Variants in LINGO2 observed in about 807,000 individuals in gnomAD.
LINGO2 encodes the protein leucine rich repeat and Ig domain containing 2, also known as leucine-rich repeat and immunoglobulin-like domain-containing nogo receptor-interacting protein 2.
In LINGO2, 14 loss-of-function variants were observed where a neutral mutation model predicts 30.6. That is an observed-to-expected ratio of 0.46 (90% CI 0.30 to 0.72). The LOEUF (loss-of-function observed/expected upper bound fraction) is 0.72, where lower values mean the gene tolerates loss of function less well. Among genes scored for constraint, LINGO2 ranks in the 30% least tolerant of loss-of-function variants. The pLI is 0.07. For missense variants in LINGO2, 729 were observed against 751.7 expected, an observed-to-expected ratio of 0.97 and a Z score of 0.35; for synonymous variants, 317 against 288.5, an observed-to-expected ratio of 1.10 and a Z score of -1.00.
rs1436026906 is a variant in LINGO2, at chr9:28,329,379, T to A, written c.-245-34013A>T. ...CTTCTGCCTGTTACTAAACCCCTTCTCTCCATATGGCTTAACTTGAGGGCT... is the reference window on the plus strand; with the variant it reads ...CTTCTGCCTGTTACTAAACCCCTTCACTCCATATGGCTTAACTTGAGGGCT... On this transcript the variant is annotated intron_variant, in intron 3 of 5. Coordinates refer to ENST00000379992, the Ensembl canonical transcript of LINGO2. The surrounding 1 kb of genome is among the most constrained non-coding windows in gnomAD (Gnocchi z 4.5). 1.3e-5 allele frequency among the ~76,000 whole-genome samples: 2 copies of A among 152,042 alleles called. No individual in the cohort carries two copies. Among genetic ancestry groups the A allele is most frequent in the Admixed American group, 6.6e-5 (1 of 15,264 alleles).
chr9:28,001,298 C>A (rs1821939117), intron 5 of LINGO2, among the ~76,000 whole-genome samples: 2 of 152,200 alleles, frequency 1.3e-5, no homozygotes, highest in Non-Finnish European at 2.9e-5. Flanking sequence ...CACTTTCACA[C>A]AACCTCCAGG....
At chr9:28,420,792 C>T (rs1038386806) in intron 2 of LINGO2, among the ~76,000 whole-genome samples, 3 of 152,036 alleles carry the variant, frequency 2.0e-5, no homozygotes, top group Non-Finnish European at 2.9e-5. Flanking sequence ...AGTAAGATAG[C>T]CCTGTATCAT....
At chr9:28,651,982 C>A (rs1828122857) in intron 1 of LINGO2, among the ~76,000 whole-genome samples, 1 of 152,174 alleles carries the variant, frequency 6.6e-6, no homozygotes, top group South Asian at 2.1e-4. Flanking sequence ...AATTCACAAA[C>A]ACACACAAGT....
chr9:28,151,717 G>GT (rs1053820100), intron 4 of LINGO2, among the ~76,000 whole-genome samples: 2 of 151,760 alleles, frequency 1.3e-5, no homozygotes, highest in East Asian at 1.9e-4. Flanking sequence ...ACTTTTAAGA[G>GT]TTTTTTTATA....
At chr9:28,907,547 T>C in the LINGO2 span, among the ~76,000 whole-genome samples, 1 of 151,920 alleles carries the variant, frequency 6.6e-6, no homozygotes, top group South Asian at 2.1e-4. Context: ...AGACAATTTC[T>C]GAATGTTATT....
At chr9:28,093,810 A>C (rs1233267837) in intron 4 of LINGO2, among the ~76,000 whole-genome samples, 1 of 152,080 alleles carries the variant, frequency 6.6e-6, no homozygotes, top group Non-Finnish European at 1.5e-5. Flanking sequence ...CACTCCGGGA[A>C]GACCTTGAAA....
At chr9:28,149,333 G>C in intron 4 of LINGO2, 1 of 529,060 alleles carries the variant, frequency 1.9e-6, no homozygotes, top group Non-Finnish European at 3.4e-6. Flanking sequence ...AGTGAGGAGC[G>C]CCTCTGCCCG....
intron 1 of LINGO2, among the ~76,000 whole-genome samples, chr9:28,620,426 TC>T (rs958120466): frequency 1.4e-4 from 22 of 152,102 alleles, no homozygotes; most frequent in African/African-American, 5.3e-4. Flanking sequence ...TTTTTATACT[TC>T]AGATCATTTG....
intron 1 of LINGO2, among the ~76,000 whole-genome samples, chr9:28,503,080 C>T (rs907794624): frequency 6.6e-6 from 1 of 151,960 alleles, no homozygotes; most frequent in Non-Finnish European, 1.5e-5. Flanking sequence ...AATTTGCATA[C>T]TAAGGTATAA....
the LINGO2 span, among the ~76,000 whole-genome samples, chr9:29,114,130 T>TA: frequency 0.24 from 36,717 of 151,514 alleles, 4,581 homozygotes; most frequent in East Asian, 0.4. Flanking sequence ...TTCCTAACCT[T>TA]AAAAAAATCT....
upstream of LINGO2, among the ~76,000 whole-genome samples, chr9:28,672,850 C>T (rs1829074467): frequency 6.6e-6 from 1 of 151,966 alleles, no homozygotes; most frequent in Admixed American, 6.6e-5. Flanking sequence ...TTATTTACAA[C>T]CACAAACCAG....
intron 4 of LINGO2, among the ~76,000 whole-genome samples, chr9:28,254,320 G>A (rs970582525): frequency 1.3e-5 from 2 of 151,832 alleles, no homozygotes; most frequent in Non-Finnish European, 2.9e-5. Flanking sequence ...CTGTATTGTT[G>A]GAATATAGCA....
chr9:28,614,952 T>G (rs1215950399), intron 1 of LINGO2, among the ~76,000 whole-genome samples: 1 of 152,130 alleles, frequency 6.6e-6, no homozygotes, highest in Non-Finnish European at 1.5e-5. Flanking sequence ...CCTCCAACCT[T>G]ACAGGCTTCT....
chr9:28,140,322 G>A (rs1237315104), intron 4 of LINGO2, among the ~76,000 whole-genome samples: 4 of 152,198 alleles, frequency 2.6e-5, no homozygotes. Flanking sequence ...AGGCAGAGAT[G>A]TTTACTGAGT....
At chr9:28,343,787 A>G (rs1032902282) in intron 3 of LINGO2, among the ~76,000 whole-genome samples, 3 of 152,122 alleles carry the variant, frequency 2.0e-5, no homozygotes, top group Admixed American at 2.0e-4. Flanking sequence ...AAGAGTTTCT[A>G]TCAGCTGCCA....
chr9:28,575,857 T>A (rs940384458), intron 1 of LINGO2, among the ~76,000 whole-genome samples: 8 of 152,046 alleles, frequency 5.3e-5, no homozygotes, highest in African/African-American at 1.9e-4. Context: ...GCATTTTGTA[T>A]ATATTATAAA....
intron 2 of LINGO2, among the ~76,000 whole-genome samples, chr9:28,473,438 C>T (rs1229529560): frequency 6.6e-6 from 1 of 152,030 alleles, no homozygotes; most frequent in Non-Finnish European, 1.5e-5. Flanking sequence ...CACATACACA[C>T]ACACACACTG....
chr9:27,961,616 A>G (rs148964187), intron 5 of LINGO2, among the ~76,000 whole-genome samples: 4 of 152,332 alleles, frequency 2.6e-5, no homozygotes, highest in Non-Finnish European at 5.9e-5. Flanking sequence ...GCAAGCCATT[A>G]AAGTGTTTTA....
intron 5 of LINGO2, among the ~76,000 whole-genome samples, chr9:28,011,738 AAAGTGT>A: frequency 6.6e-6 from 1 of 152,230 alleles, no homozygotes; most frequent in East Asian, 1.9e-4. Context: ...TAAATACCCT[AAAGTGT>A]GGTCACAAAC....
Sources: allele counts gnomAD v4.1 joint callset (sites outside exome capture counted in the v4.1 genomes callset), GRCh38; gene constraint gnomAD v4.1.1; non-coding constraint Gnocchi (gnomAD v3.1); transcripts MANE v1.5; gene names NCBI Gene and HGNC (gene_info 2026-07-23, HGNC 2026-07-21).